S100A8: variants seen among roughly 807,000 people sequenced by gnomAD.
The protein encoded by S100A8 is S100 calcium binding protein A8, also known as protein S100-A8.
A neutral mutation model predicts 4.2 loss-of-function variants in S100A8; 1 was observed. That is an observed-to-expected ratio of 0.24 (90% CI 0.08 to 1.12). The LOEUF (loss-of-function observed/expected upper bound fraction) is 1.12. S100A8 is among the 50% of genes most tolerant of loss of function. The pLI, the probability that S100A8 is intolerant of heterozygous loss-of-function variation, is 0.53. For missense variants in S100A8, 96 were observed against 111.8 expected, an observed-to-expected ratio of 0.86 and a Z score of 0.64; for synonymous variants, 41 against 44.7, an observed-to-expected ratio of 0.92 and a Z score of 0.33.
At chr1:153,392,941 G>C (rs1161389983), upstream of S100A8, among the ~76,000 whole-genome samples, 1 of 152,180 alleles carries the variant, frequency 6.6e-6, no homozygotes, top group Non-Finnish European at 1.5e-5. Flanking sequence ...CACACTCACT[G>C]AGCTTTTCCC....
At chr1:153,402,965 G>A in the S100A8 span, among the ~76,000 whole-genome samples, 7 of 149,962 alleles carry the variant, frequency 4.7e-5, no homozygotes, top group East Asian at 3.9e-4. Flanking sequence ...AGACACACAC[G>A]TATGGTATAT....
rs754992471 is a variant in S100A8 at position 153,390,573 on chromosome 1, T to C, written c.-22-16A>G. On this transcript the variant is annotated splice_polypyrimidine_tract_variant and intron_variant, in intron 1 of 2. Coordinates refer to ENST00000368733, the MANE Select transcript of S100A8 (RefSeq NM_002964.5). Reference sequence around the variant, plus strand: ...CTTGCCCCACCTGAAAAACAGAACCTTCTGGGGAATCCCATGGCAGGGAAT... The same window carrying C: ...CTTGCCCCACCTGAAAAACAGAACCCTCTGGGGAATCCCATGGCAGGGAAT... The C allele has an allele frequency of 6.2e-6, 10 of 1,612,668 alleles. No individual in the cohort carries two copies. The Admixed American group carries it at 1.7e-4, about 27-fold the overall frequency.
chr1:153,419,489 C>T, the S100A8 span: 91 of 688,410 alleles, frequency 1.3e-4, no homozygotes, highest in African/African-American at 1.5e-3. Flanking sequence ...GGAGTAATGT[C>T]CCTCCAGCAA....
the S100A8 span, among the ~76,000 whole-genome samples, chr1:153,408,368 A>C: frequency 2.0e-5 from 3 of 152,224 alleles, no homozygotes; most frequent in African/African-American, 7.2e-5. Context: ...ACAGGAAGAA[A>C]GGGTAGCAGT....
chr1:153,413,118 G>C, the S100A8 span, among the ~76,000 whole-genome samples: 27 of 152,074 alleles, frequency 1.8e-4, no homozygotes, highest in Admixed American at 1.8e-3. Flanking sequence ...ATGTACCCTA[G>C]AACTGAAAGT....
At chr1:153,391,579 AT>A (rs767076996), upstream of S100A8, among the ~76,000 whole-genome samples, 2 of 152,114 alleles carry the variant, frequency 1.3e-5, no homozygotes, top group African/African-American at 2.4e-5. Context: ...CATGAGAACT[AT>A]TGTTCTCATT....
chr1:153,406,491 A>G, the S100A8 span, among the ~76,000 whole-genome samples: 1 of 152,120 alleles, frequency 6.6e-6, no homozygotes, highest in African/African-American at 2.4e-5. Flanking sequence ...GCATTGCTCA[A>G]AGCATGGTCC....
chr1:153,396,114 A>G, the S100A8 span, among the ~76,000 whole-genome samples: 1 of 152,196 alleles, frequency 6.6e-6, no homozygotes, highest in African/African-American at 2.4e-5. Context: ...CCTATCAGAT[A>G]GGGCCCCCTG....
chr1:153,410,542 A>G, the S100A8 span, among the ~76,000 whole-genome samples: 1 of 152,246 alleles, frequency 6.6e-6, no homozygotes, highest in African/African-American at 2.4e-5. Context: ...ACCGAATTCT[A>G]CCAGAGCTAC....
chr1:153,422,128 G>C, the S100A8 span: 1 of 152,256 alleles, frequency 6.6e-6, no homozygotes, highest in Non-Finnish European at 1.5e-5. Flanking sequence ...ATGGCAGGTC[G>C]TCAAGAGAAC....
At chr1:153,408,523 G>A in the S100A8 span, among the ~76,000 whole-genome samples, 1 of 152,118 alleles carries the variant, frequency 6.6e-6, no homozygotes, top group African/African-American at 2.4e-5. Flanking sequence ...AAAGTGAGGA[G>A]GAGAATGGAA....
At chr1:153,404,620 C>T in the S100A8 span, among the ~76,000 whole-genome samples, 1 of 152,144 alleles carries the variant, frequency 6.6e-6, no homozygotes, top group Admixed American at 6.5e-5. Context: ...CTTAACCCAC[C>T]ATTACTAAAA....
chr1:153,398,979 C>T, the S100A8 span, among the ~76,000 whole-genome samples: 5 of 152,322 alleles, frequency 3.3e-5, no homozygotes, highest in East Asian at 9.6e-4. Context: ...CCACACTGTA[C>T]GTGTTCTCCA....
the S100A8 span, among the ~76,000 whole-genome samples, chr1:153,403,974 A>ACTGG: frequency 6.6e-6 from 1 of 152,110 alleles, no homozygotes; most frequent in Non-Finnish European, 1.5e-5. Flanking sequence ...CTTCTGACTG[A>ACTGG]CTGGCTAAAA....
chr1:153,414,506 C>A, the S100A8 span, among the ~76,000 whole-genome samples: 11 of 152,216 alleles, frequency 7.2e-5, no homozygotes, highest in Admixed American at 4.6e-4. Context: ...AGCATATCAG[C>A]TGATGCTCCA....
chr1:153,394,679 G>A (rs1292856523), upstream of S100A8, among the ~76,000 whole-genome samples: 1 of 152,188 alleles, frequency 6.6e-6, no homozygotes, highest in Non-Finnish European at 1.5e-5. Flanking sequence ...CTAAGCTGAT[G>A]GCAAGTGTGG....
At chr1:153,418,031 C>G in the S100A8 span, 9 of 1,608,444 alleles carry the variant, frequency 5.6e-6, no homozygotes, top group African/African-American at 1.1e-4. Flanking sequence ...TTAATTCAAA[C>G]TAAGGTAAGA....
chr1:153,393,103 A>AT (rs1662139643), upstream of S100A8, among the ~76,000 whole-genome samples: 1 of 152,120 alleles, frequency 6.6e-6, no homozygotes, highest in Non-Finnish European at 1.5e-5. Context: ...GTATCAAATG[A>AT]TTGAGTGACT....
At chr1:153,394,880 C>G (rs542522573), upstream of S100A8, among the ~76,000 whole-genome samples, 1 of 152,106 alleles carries the variant, frequency 6.6e-6, no homozygotes, top group Non-Finnish European at 1.5e-5. Flanking sequence ...GTATATCACC[C>G]CCCAACACTC....
Sources: allele counts gnomAD v4.1 joint callset (sites outside exome capture counted in the v4.1 genomes callset), GRCh38; gene constraint gnomAD v4.1.1; transcripts MANE v1.5; gene names NCBI Gene and HGNC (gene_info 2026-07-23, HGNC 2026-07-21).